The following ASB3 variants were observed in gnomAD, a reference collection of about 807,000 sequenced individuals.
ASB3 encodes ankyrin repeat and SOCS box protein 3.
In ASB3, 41 loss-of-function variants were observed where a neutral mutation model predicts 54.5. That is an observed-to-expected ratio of 0.75 (90% CI 0.59 to 0.98). ASB3 has a LOEUF of 0.98. Ranked by LOEUF, ASB3 falls within the 50% of genes least tolerant of loss-of-function variation. The pLI, the probability that ASB3 is intolerant of heterozygous loss-of-function variation, is 0.00. For missense variants in ASB3, 733 were observed against 620.0 expected, an observed-to-expected ratio of 1.18 and a Z score of -1.94; for synonymous variants, 266 against 221.2, an observed-to-expected ratio of 1.20 and a Z score of -1.80.
intron 2 of ASB3, among the ~76,000 whole-genome samples, chr2:53,763,224 T>G (rs947337702): frequency 6.6e-6 from 1 of 152,124 alleles, no homozygotes; most frequent in Non-Finnish European, 1.5e-5. Context: ...CAGGCATTGG[T>G]GGTGTGCACC....
intron 1 of ASB3, chr2:53,767,828 C>T: frequency 3.0e-5 from 47 of 1,551,712 alleles, no homozygotes; most frequent in Non-Finnish European, 4.1e-5. Context: ...GGCTTCAGTC[C>T]CCGGCGGCGC....
intron 8 of ASB3, among the ~76,000 whole-genome samples, chr2:53,699,732 T>C (rs909665579): frequency 6.7e-6 from 1 of 150,174 alleles, no homozygotes; most frequent in African/African-American, 2.5e-5. Context: ...GAAAGAGTCT[T>C]CTTCTTGCCC....
intron 3 of ASB3, among the ~76,000 whole-genome samples, chr2:53,739,688 GTTC>G (rs1553378127): frequency 1.3e-5 from 2 of 151,880 alleles, no homozygotes; most frequent in Admixed American, 6.6e-5. Flanking sequence ...GTTTTGTTTT[GTTC>G]TTAAGATAGG....
chr2:53,672,912 C>T (rs971322787), intron 9 of ASB3, among the ~76,000 whole-genome samples: 2 of 152,186 alleles, frequency 1.3e-5, no homozygotes, highest in African/African-American at 4.8e-5. Flanking sequence ...GCCTTAACAG[C>T]AACAATGATT....
At chr2:53,710,155 C>A (rs2103813792) in intron 7 of ASB3, among the ~76,000 whole-genome samples, 1 of 152,332 alleles carries the variant, frequency 6.6e-6, no homozygotes, top group Non-Finnish European at 1.5e-5. Flanking sequence ...CTCTAACCAA[C>A]AGAAACTCCA....
chr2:53,721,879 C>T (rs1670731925), intron 5 of ASB3, among the ~76,000 whole-genome samples: 1 of 151,620 alleles, frequency 6.6e-6, no homozygotes, highest in South Asian at 2.1e-4. Flanking sequence ...CCCAAAAATC[C>T]ATACAAAGGA....
At chr2:53,673,576 G>A (rs1667929708) in intron 9 of ASB3, among the ~76,000 whole-genome samples, 1 of 152,044 alleles carries the variant, frequency 6.6e-6, no homozygotes, top group Non-Finnish European at 1.5e-5. Flanking sequence ...AGACCAGTTC[G>A]CATTTGTTAG....
chr2:53,738,829 CA>C (rs1379653869), intron 3 of ASB3, among the ~76,000 whole-genome samples: 20 of 151,994 alleles, frequency 1.3e-4, no homozygotes, highest in Non-Finnish European at 1.8e-4. Context: ...CAATAGGGAC[CA>C]GAGACCAAGG....
At chr2:53,678,188 G>C (rs886115687) in intron 9 of ASB3, among the ~76,000 whole-genome samples, 52 of 151,616 alleles carry the variant, frequency 3.4e-4, no homozygotes, top group African/African-American at 1.2e-3. Flanking sequence ...TTACTATCTT[G>C]GTAAATTACC....
Position 53,720,659 on chromosome 2 carries a change from G to A in ASB3, c.605-3916C>T, listed in dbSNP as rs550612438. ...TGGGAGATGTCAAATCCCATTGACA[G>A]CATTAGACAGATCACTGAGGCAGAA... On this transcript the variant is annotated intron_variant, in intron 5 of 9. Transcript: ENST00000263634. Among the ~76,000 whole-genome samples the A allele has an allele frequency of 4.6e-5, 7 of 152,314 alleles. No individual in the cohort carries two copies. The South Asian group carries it at 1.5e-3, about 32-fold the overall frequency.
intron 3 of ASB3, among the ~76,000 whole-genome samples, chr2:53,745,548 T>C (rs1180887643): frequency 6.6e-6 from 1 of 152,176 alleles, no homozygotes; most frequent in Admixed American, 6.5e-5. Context: ...CATTTAGCTT[T>C]ATGTTCAGTC....
At chr2:53,784,690 A>C (rs2104236624) in intron 1 of ASB3, among the ~76,000 whole-genome samples, 1 of 152,258 alleles carries the variant, frequency 6.6e-6, no homozygotes, top group South Asian at 2.1e-4. Context: ...CTGTGTGTCC[A>C]TGTGTATCCA....
chr2:53,738,551 T>C lies in ASB3; in HGVS notation c.356-8981A>G, dbSNP rs142519012. Among the ~76,000 whole-genome samples, 536 of 152,276 alleles carry C rather than the reference T, an allele frequency of 3.5e-3. 5 individuals are homozygous for C. Among genetic ancestry groups the C allele is most frequent in the African/African-American group, 0.012 (508 of 41,562 alleles). ...ACCATCATAAGGGACAATGTAGATA[T>C]AGGACAATTCCAAGTTCTATTGGGT... On this transcript the variant is annotated intron_variant, in intron 3 of 9. Coordinates refer to ENST00000263634, the MANE Select transcript of ASB3 (RefSeq NM_016115.5).
intron 7 of ASB3, among the ~76,000 whole-genome samples, chr2:53,708,573 C>G (rs1368356304): frequency 1.3e-5 from 2 of 152,124 alleles, no homozygotes; most frequent in Non-Finnish European, 2.9e-5. Context: ...TTGGAGGGCT[C>G]TGAAGAAGAC....
rs990717974 is a variant in ASB3 at position 53,670,323 on chromosome 2, G to C, written c.*180C>G. Reference sequence around the variant, plus strand: ...TTTTTTTTTTTTTTTTTTTTTACTGGGAAGGCTAGTTGTAAACATAAACAT... The same window carrying C: ...TTTTTTTTTTTTTTTTTTTTTACTGCGAAGGCTAGTTGTAAACATAAACAT... On this transcript the variant is annotated 3_prime_UTR_variant, in exon 10 of 10. Coordinates refer to ENST00000263634, the MANE Select transcript of ASB3 (RefSeq NM_016115.5). 3 of 319,398 alleles carry C rather than the reference G, an allele frequency of 9.4e-6. No homozygotes were observed. Among genetic ancestry groups the C allele is most frequent in the Non-Finnish European group, 1.6e-5 (3 of 186,746 alleles). The allele number at this position is 319,398 out of a possible 1,614,324, so 19.8% of individuals were successfully genotyped here. A position where few individuals can be genotyped will look rare whatever the true frequency, so the allele number is the denominator to read the frequency against.
chr2:53,707,358 T>C (rs1307075190), intron 7 of ASB3, among the ~76,000 whole-genome samples: 1 of 152,172 alleles, frequency 6.6e-6, no homozygotes, highest in Admixed American at 6.5e-5. Context: ...ATGCAGAGTA[T>C]GGGCCAGGTG....
chr2:53,756,171 A>C (rs571845980), intron 2 of ASB3, among the ~76,000 whole-genome samples: 1 of 152,194 alleles, frequency 6.6e-6, no homozygotes, highest in South Asian at 2.1e-4. Flanking sequence ...ATCTCTTTAA[A>C]AAAATTTTTT....
chr2:53,721,502 C>T (rs1379206316), intron 5 of ASB3, among the ~76,000 whole-genome samples: 1 of 151,350 alleles, frequency 6.6e-6, no homozygotes, highest in African/African-American at 2.4e-5. Context: ...ACCTGGGAGG[C>T]GGAGGTTGCG....
rs1409536075 is a variant in ASB3 at position 53,711,071 on chromosome 2, C to T, written c.980+3313G>A. ...CCTGAGCCCAGGGAAGTCGAGGCTG[C>T]AGTGAGTCATGATCATATCACTGCA... On this transcript the variant is annotated intron_variant, in intron 7 of 9. Coordinates refer to ENST00000263634, the MANE Select transcript of ASB3 (RefSeq NM_016115.5). Among the ~76,000 whole-genome samples the T allele has an allele frequency of 3.3e-5, 5 of 152,140 alleles. No individual in the cohort carries two copies. The East Asian group carries it at 9.6e-4, about 29-fold the overall frequency.
Sources: gnomAD v4.1 joint callset for allele counts (sites outside exome capture counted in the v4.1 genomes callset) on GRCh38, gnomAD v4.1.1 for gene constraint, MANE v1.5 for transcripts, NCBI Gene and HGNC (gene_info 2026-07-23, HGNC 2026-07-21) for gene names.